PABPC1L: variants seen among roughly 807,000 people sequenced by gnomAD.
The protein encoded by PABPC1L is polyadenylate-binding protein 1-like.
In PABPC1L, 31 loss-of-function variants were observed where a neutral mutation model predicts 66.6. The observed-to-expected ratio is 0.47, with a 90% CI of 0.35 to 0.63. The LOEUF (loss-of-function observed/expected upper bound fraction) is 0.63, where lower values mean the gene tolerates loss of function less well. PABPC1L is among the 20% of genes least tolerant of loss of function. The pLI is 0.00. For synonymous variants in PABPC1L, 348 were observed against 335.1 expected, an observed-to-expected ratio of 1.04 and a Z score of -0.42; for missense variants, 722 against 848.8, an observed-to-expected ratio of 0.85 and a Z score of 1.86.
At chr20:44,923,375 C>A (rs530718665) in intron 6 of PABPC1L, among the ~76,000 whole-genome samples, 3 of 152,136 alleles carry the variant, frequency 2.0e-5, no homozygotes, top group Non-Finnish European at 2.9e-5. Flanking sequence ...GTAATCCCAG[C>A]ACTTTGGGAG....
At position 44,919,201 on chromosome 20, in the gene PABPC1L, A is replaced by G. The variant is rs745960496; in HGVS notation, c.662A>G (p.Lys221Arg). 6.2e-7 allele frequency: 1 copy of G among 1,614,028 alleles called. No individual in the cohort carries two copies. Among genetic ancestry groups the G allele is most frequent in the Non-Finnish European group, 8.5e-7 (1 of 1,180,046 alleles). ...FSQFGKMLSV[K>R]VMRDNSGHSR... is the part of the protein sequence containing the mutation. ...TTTGCAGGGAAAATGCTGAGTGTGA[A>G]GGTGATGAGGGACAACAGCGGCCAC... The change falls in exon 5 of 15, where the codon AAG becomes AGG. Residue 221 changes from lysine to arginine, a missense_variant. Lys to Arg is a conservative substitution (Grantham distance 26). This residue lies in a region of PABPC1L where 137 missense variants were observed against 216.8 expected (regional missense o/e 0.63). Coordinates refer to ENST00000217073, the MANE Select transcript of PABPC1L (RefSeq NM_001372179.1).
At chr20:44,917,119 G>C (rs1456442894) in intron 3 of PABPC1L, among the ~76,000 whole-genome samples, 1 of 152,072 alleles carries the variant, frequency 6.6e-6, no homozygotes, top group African/African-American at 2.4e-5. Flanking sequence ...AACTCTAGAG[G>C]GACTGGCTAA....
intron 2 of PABPC1L, 26 bp downstream of exon 2, chr20:44,912,879 T>C: frequency 6.3e-7 from 1 of 1,578,274 alleles, no homozygotes; most frequent in East Asian, 2.3e-5. Context: ...TGTACGTCTT[T>C]GGGTAGATCG....
chr20:44,919,334 A>T, intron 5 of PABPC1L, 57 bp downstream of exon 5: 1 of 1,561,534 alleles, frequency 6.4e-7, no homozygotes, highest in Non-Finnish European at 8.8e-7. Flanking sequence ...GGGACTAAGA[A>T]GAGGGTCCCA....
chr20:44,931,383 C>T (rs1313729335), intron 8 of PABPC1L, among the ~76,000 whole-genome samples: 2 of 151,658 alleles, frequency 1.3e-5, no homozygotes, highest in African/African-American at 2.4e-5. Flanking sequence ...CGCCATGTTG[C>T]CCAGGCTGGT....
intron 7 of PABPC1L, among the ~76,000 whole-genome samples, chr20:44,930,234 A>G (rs983661344): frequency 2.0e-5 from 3 of 151,892 alleles, no homozygotes; most frequent in African/African-American, 7.3e-5. Flanking sequence ...TCCTCAGTAA[A>G]TGGGGGTGCA....
chr20:44,935,441 C>A lies in PABPC1L; in HGVS notation c.1510C>A (p.Pro504Thr). ...ACCCAGTGGGGTAGGATGCTGTACA[C>A]CAGGCCGGCCGCTCCTGCCGTGCAA... ...TGPSGVGCCT[P>T]GRPLLPCKCS... The change falls in exon 11 of 15, where the codon CCA (proline) becomes ACA (threonine). Residue 504 changes from proline (P) to threonine (T), a missense_variant. This residue lies in a region of PABPC1L where 301 missense variants were observed against 337.2 expected (regional missense o/e 0.89). Coordinates refer to ENST00000217073, the MANE Select transcript of PABPC1L (RefSeq NM_001372179.1). 1 of 1,614,192 alleles carries A rather than the reference C, an allele frequency of 6.2e-7. No individual in the cohort carries two copies. The highest frequency in any genetic ancestry group is 2.2e-5 in the East Asian group (1 of 44,890).
At position 44,915,103 on chromosome 20, in the gene PABPC1L, G is replaced by A. The variant is rs181817474; in HGVS notation, c.388-1653G>A. Reference sequence around the variant, plus strand: ...TTCAGGATGAGAGGTGGAGGGGTATGTGCAAGGCATGGGTTTGGAAGCAAG... The same window carrying A: ...TTCAGGATGAGAGGTGGAGGGGTATATGCAAGGCATGGGTTTGGAAGCAAG... On this transcript the variant is annotated intron_variant, in intron 2 of 14. Coordinates refer to ENST00000217073, the MANE Select transcript of PABPC1L (RefSeq NM_001372179.1). 7.9e-5 allele frequency among the ~76,000 whole-genome samples: 12 copies of A among 152,364 alleles called. No homozygotes were observed. The East Asian group carries it at 1.9e-3, about 24-fold the overall frequency.
chr20:44,925,156 T>C (rs1009109913), intron 7 of PABPC1L, among the ~76,000 whole-genome samples: 20 of 139,280 alleles, frequency 1.4e-4, no homozygotes, highest in African/African-American at 5.2e-4. Flanking sequence ...GAGCTTGCAG[T>C]GAGCCAAGAT....
Position 44,934,928 on chromosome 20 carries a change from C to T in PABPC1L, c.1460-463C>T, listed in dbSNP as rs142994404. Reference sequence around the variant, plus strand: ...ACTAAAAATACAAAAATTAGCCGGACGTGGTGGCATGTGCTTGTAATCCCA... The same window carrying T: ...ACTAAAAATACAAAAATTAGCCGGATGTGGTGGCATGTGCTTGTAATCCCA... On this transcript the variant is annotated intron_variant, in intron 10 of 14. Transcript: ENST00000217073. Among the ~76,000 whole-genome samples, 328 of 152,112 alleles carry T rather than the reference C, an allele frequency of 2.2e-3. 1 individual carries two copies. Among genetic ancestry groups the T allele is most frequent in the African/African-American group, 6.5e-3 (269 of 41,506 alleles).
At position 44,922,385 on chromosome 20, in the gene PABPC1L, G is replaced by A. The variant is rs954040382; in HGVS notation, c.876+654G>A. 2.6e-4 allele frequency among the ~76,000 whole-genome samples: 39 copies of A among 152,100 alleles called. 1 individual carries two copies. The highest frequency in any genetic ancestry group is 6.5e-5 in the Admixed American group (1 of 15,270). On this transcript the variant is annotated intron_variant, in intron 6 of 14. Transcript: ENST00000217073. ...CCCAAGTAGCTGGGATTACAGGTGC[G>A]TGCCACCATGCCCGGCAAATTTTTG...
intron 1 of PABPC1L, among the ~76,000 whole-genome samples, chr20:44,910,717 C>T (rs756084020): frequency 1.4e-4 from 21 of 152,134 alleles, no homozygotes; most frequent in Non-Finnish European, 1.9e-4. Flanking sequence ...TTATAGAGTG[C>T]TTGTGAGGAT....
intron 5 of PABPC1L, among the ~76,000 whole-genome samples, chr20:44,920,281 A>G (rs1419926163): frequency 6.6e-6 from 1 of 152,082 alleles, no homozygotes; most frequent in Non-Finnish European, 1.5e-5. Flanking sequence ...TCAGTGCCCT[A>G]AACATCCCCT....
intron 2 of PABPC1L, among the ~76,000 whole-genome samples, chr20:44,914,694 A>C (rs898173900): frequency 2.0e-5 from 3 of 152,150 alleles, no homozygotes; most frequent in Non-Finnish European, 4.4e-5. Flanking sequence ...CCTGTCTTTG[A>C]GGATCAAAGG....
At chr20:44,916,975 C>A in intron 3 of PABPC1L, 104 bp downstream of exon 3, 1 of 1,098,904 alleles carries the variant, frequency 9.1e-7, no homozygotes, top group Non-Finnish European at 1.3e-6. Flanking sequence ...GGGCACCAGG[C>A]ACTTGAGCGG....
intron 7 of PABPC1L, among the ~76,000 whole-genome samples, chr20:44,928,890 A>G (rs2066830477): frequency 1.3e-5 from 2 of 151,096 alleles, no homozygotes; most frequent in African/African-American, 2.4e-5. Flanking sequence ...AAAAAAGAAA[A>G]AAAAAAAGGA....
At chr20:44,929,667 C>T (rs942109784) in intron 7 of PABPC1L, among the ~76,000 whole-genome samples, 3 of 151,792 alleles carry the variant, frequency 2.0e-5, no homozygotes, top group Non-Finnish European at 4.4e-5. Flanking sequence ...TGGTGGCACA[C>T]GCCTGTAGTC....
At chr20:44,924,798 A>T (rs1042512906) in intron 7 of PABPC1L, among the ~76,000 whole-genome samples, 6 of 152,262 alleles carry the variant, frequency 3.9e-5, no homozygotes, top group Middle Eastern at 3.4e-3. Flanking sequence ...GGCTCACTGG[A>T]TGGCTTTCCG....
intron 1 of PABPC1L, among the ~76,000 whole-genome samples, chr20:44,912,033 G>T (rs1229530687): frequency 6.6e-6 from 1 of 152,152 alleles, no homozygotes; most frequent in African/African-American, 2.4e-5. Flanking sequence ...TACAAACAAG[G>T]CACTTTTACA....
Sources: gnomAD v4.1 joint callset for allele counts (sites outside exome capture counted in the v4.1 genomes callset) on GRCh38, gnomAD v4.1.1 for gene constraint, gnomAD v4.1.1 regional missense constraint, MANE v1.5 for transcripts, NCBI Gene and HGNC (gene_info 2026-07-23, HGNC 2026-07-21) for gene names.